The following ATRN variants were observed in gnomAD, a reference collection of about 807,000 sequenced individuals.
The protein encoded by ATRN is attractin.
ATRN carries 54 observed loss-of-function variants against 178.7 expected under a neutral mutation model. The observed-to-expected ratio is 0.30, with a 90% CI of 0.24 to 0.38. ATRN has a LOEUF of 0.38. Among genes scored for constraint, ATRN ranks in the 10% least tolerant of loss-of-function variants. The pLI, the probability that ATRN is intolerant of heterozygous loss-of-function variation, is 1.00. For missense variants in ATRN, 1,443 were observed against 1,815.1 expected, an observed-to-expected ratio of 0.79 and a Z score of 3.73; for synonymous variants, 636 against 663.0, an observed-to-expected ratio of 0.96 and a Z score of 0.63.
At chr20:3,583,872 G>A in intron 16 of ATRN, 26 bp from the exon 17 acceptor site, 1 of 1,604,322 alleles carries the variant, frequency 6.2e-7, no homozygotes, top group Non-Finnish European at 8.5e-7. Flanking sequence ...GGAGCTCTAA[G>A]TGTCTCTCTT....
At chr20:3,522,462 G>C (rs1447867009) in intron 1 of ATRN, among the ~76,000 whole-genome samples, 1 of 152,232 alleles carries the variant, frequency 6.6e-6, no homozygotes, top group Non-Finnish European at 1.5e-5. Flanking sequence ...CAGAGCACCT[G>C]GGGGAATGGG....
intron 3 of ATRN, among the ~76,000 whole-genome samples, chr20:3,542,276 A>G (rs749969722): frequency 1.3e-5 from 2 of 152,198 alleles, no homozygotes; most frequent in South Asian, 2.1e-4. Context: ...GTGTTTGTTA[A>G]TCAGAATTCA....
intron 1 of ATRN, among the ~76,000 whole-genome samples, chr20:3,532,955 G>T (rs1376967351): frequency 6.6e-6 from 1 of 152,098 alleles, no homozygotes; most frequent in Non-Finnish European, 1.5e-5. Flanking sequence ...GTAGAGACGG[G>T]GTTTCACTGT....
chr20:3,472,431 C>T (rs1334695094), intron 1 of ATRN, among the ~76,000 whole-genome samples: 2 of 152,150 alleles, frequency 1.3e-5, no homozygotes, highest in Non-Finnish European at 2.9e-5. Flanking sequence ...GAACACATGT[C>T]TGATGTGGGG....
At chr20:3,626,072 A>C (rs1183238860) in intron 25 of ATRN, among the ~76,000 whole-genome samples, 1 of 152,108 alleles carries the variant, frequency 6.6e-6, no homozygotes, top group Non-Finnish European at 1.5e-5. Context: ...TCTCTACAAA[A>C]AATACAAAAA....
At chr20:3,522,775 G>A (rs768793466) in intron 1 of ATRN, among the ~76,000 whole-genome samples, 2 of 152,134 alleles carry the variant, frequency 1.3e-5, no homozygotes, top group South Asian at 2.1e-4. Flanking sequence ...CAGGCAAATA[G>A]GGTCTGGAGT....
intron 1 of ATRN, among the ~76,000 whole-genome samples, chr20:3,492,987 TTATC>T (rs1459040472): frequency 1.3e-4 from 19 of 146,140 alleles, no homozygotes; most frequent in South Asian, 6.3e-4. Context: ...TAATATATAA[TTATC>T]TATAATTATG....
intron 3 of ATRN, among the ~76,000 whole-genome samples, chr20:3,545,013 A>G (rs2085678962): frequency 6.6e-6 from 1 of 152,174 alleles, no homozygotes; most frequent in South Asian, 2.1e-4. Context: ...GCATCAGAAT[A>G]CTAACAGTGT....
At chr20:3,586,810 A>G (rs2086363813) in intron 18 of ATRN, among the ~76,000 whole-genome samples, 2 of 152,266 alleles carry the variant, frequency 1.3e-5, no homozygotes, top group South Asian at 4.1e-4. Flanking sequence ...ACAAGGAATA[A>G]TAGGCATGAG....
intron 1 of ATRN, among the ~76,000 whole-genome samples, chr20:3,500,020 G>A (rs867493148): frequency 0.04 from 6,056 of 152,124 alleles, 162 homozygotes; most frequent in Non-Finnish European, 0.058. Context: ...AAAAGTGGGC[G>A]AAGGACATGA....
intron 25 of ATRN, among the ~76,000 whole-genome samples, chr20:3,630,764 T>C (rs1007805809): frequency 6.6e-6 from 1 of 152,138 alleles, no homozygotes; most frequent in Non-Finnish European, 1.5e-5. Context: ...GGGTTGAACT[T>C]CTGGAAAAGA....
intron 1 of ATRN, chr20:3,490,163 G>T (rs1002973351): frequency 1.1e-5 from 16 of 1,501,406 alleles, no homozygotes; most frequent in Non-Finnish European, 1.4e-5. Flanking sequence ...CTTTGGTACT[G>T]AATAGTCTCT....
intron 19 of ATRN, among the ~76,000 whole-genome samples, chr20:3,594,206 G>A (rs566211841): frequency 2.0e-5 from 3 of 152,322 alleles, no homozygotes; most frequent in South Asian, 4.1e-4. Context: ...GAAAAAGAGA[G>A]TCTATTGAAA....
intron 25 of ATRN, among the ~76,000 whole-genome samples, chr20:3,626,511 TA>T (rs1243522781): frequency 1.3e-5 from 2 of 152,204 alleles, no homozygotes; most frequent in Non-Finnish European, 2.9e-5. Flanking sequence ...TTGATAATAT[TA>T]TCTCTTGTTC....
At chr20:3,471,819 T>C (rs769137308) in intron 1 of ATRN, among the ~76,000 whole-genome samples, 4 of 152,198 alleles carry the variant, frequency 2.6e-5, no homozygotes, top group Non-Finnish European at 5.9e-5. Context: ...CCGATCGCTC[T>C]AAAACTCGGC....
chr20:3,471,723 G>A (rs2084428047), intron 1 of ATRN, among the ~76,000 whole-genome samples: 2 of 152,192 alleles, frequency 1.3e-5, no homozygotes, highest in Non-Finnish European at 2.9e-5. Flanking sequence ...AAAGGTGTGG[G>A]GCAAGGGTGG....
At chr20:3,471,939 A>G (rs950926541) in intron 1 of ATRN, among the ~76,000 whole-genome samples, 3 of 152,192 alleles carry the variant, frequency 2.0e-5, no homozygotes, top group African/African-American at 7.2e-5. Flanking sequence ...TCCCCGATGC[A>G]CTGGAGATGT....
At chr20:3,483,427 G>T (rs1600006029) in intron 1 of ATRN, among the ~76,000 whole-genome samples, 1 of 152,134 alleles carries the variant, frequency 6.6e-6, no homozygotes, top group Non-Finnish European at 1.5e-5. Context: ...GCTCACTGCA[G>T]CCCTGACCTT....
intron 6 of ATRN, among the ~76,000 whole-genome samples, chr20:3,550,236 GA>G (rs1162846725): frequency 2.6e-5 from 4 of 152,216 alleles, no homozygotes; most frequent in African/African-American, 9.6e-5. Flanking sequence ...GCTGAGATGG[GA>G]GAATTGCTTG....
Sources: gnomAD v4.1 joint callset for allele counts (sites outside exome capture counted in the v4.1 genomes callset) on GRCh38, gnomAD v4.1.1 for gene constraint, MANE v1.5 for transcripts, NCBI Gene and HGNC (gene_info 2026-07-23, HGNC 2026-07-21) for gene names.